LAMA3: variants seen among roughly 807,000 people sequenced by gnomAD.
LAMA3 encodes the protein laminin subunit alpha-3.
LAMA3 carries 281 observed loss-of-function variants against 402.0 expected under a neutral mutation model. The ratio of observed to expected loss-of-function variants is 0.70; its 90% CI spans 0.63 to 0.77. LAMA3 has a LOEUF of 0.77. LAMA3 is among the 30% of genes least tolerant of loss of function. The pLI is 0.00. For missense variants in LAMA3, 3,840 were observed against 4,215.5 expected (o/e 0.91, Z 2.47); for synonymous variants, 1,431 against 1,558.4 (o/e 0.92, Z 1.93).
chr18:23,730,454 G>A (rs1297127583), intron 2 of LAMA3, among the ~76,000 whole-genome samples: 1 of 143,142 alleles, frequency 7.0e-6, no homozygotes, highest in Non-Finnish European at 1.5e-5. Context: ...TGCAACCTCT[G>A]CCTCCCGGGC....
At position 23,857,982 on chromosome 18, in the gene LAMA3, C is replaced by T; in HGVS notation, c.4275C>T (p.Leu1425=). ...GVCDPGTGAC[L]CKENVEGTEC... ...GTGACCCAGGGACCGGGGCTTGCCT[C>T]TGCAAGGTAAGAGAGATCGTGCAAT... The change falls in exon 33 of 75, where the codon CTC becomes CTT. Residue 1425 remains leucine (L), a synonymous_variant. Coordinates refer to ENST00000313654, the MANE Select transcript of LAMA3 (RefSeq NM_198129.4). 6.2e-7 allele frequency: 1 copy of T among 1,614,150 alleles called. No individual in the cohort carries two copies. The highest frequency in any genetic ancestry group is 1.1e-5 in the South Asian group (1 of 91,080).
chr18:23,771,549 A>G (rs2062198886), intron 8 of LAMA3, among the ~76,000 whole-genome samples: 1 of 152,234 alleles, frequency 6.6e-6, no homozygotes. Flanking sequence ...TGCACTTATA[A>G]GTTTTTTGCA....
intron 64 of LAMA3, among the ~76,000 whole-genome samples, 158 bp from the exon 65 acceptor site, chr18:23,930,904 T>C (rs868372332): frequency 1.3e-5 from 2 of 152,180 alleles, no homozygotes; most frequent in African/African-American, 4.8e-5. Flanking sequence ...GAGTCAAATA[T>C]GCAAAAAATA....
chr18:23,810,458 T>A lies in LAMA3; in HGVS notation c.1696T>A (p.Cys566Ser). ...ECRPGVTGQR[C>S]DRCLSGAYDF... Reference sequence around the variant, plus strand: ...TCGGCCAGGAGTTACAGGACAGCGGTGTGACAGGTGTCTCTCAGGAGCTTA... The same window carrying A: ...TCGGCCAGGAGTTACAGGACAGCGGAGTGACAGGTGTCTCTCAGGAGCTTA... The change falls in exon 13 of 75, where the codon TGT (cysteine) becomes AGT (serine). Residue 566 changes from cysteine (C) to serine (S), a missense_variant. Cys to Ser is a moderately radical substitution (Grantham distance 112). Coordinates refer to ENST00000313654, the MANE Select transcript of LAMA3 (RefSeq NM_198129.4). 6.2e-7 allele frequency: 1 copy of A among 1,614,126 alleles called. No homozygotes were observed. The highest frequency in any genetic ancestry group is 8.5e-7 in the Non-Finnish European group (1 of 1,180,022).
chr18:23,900,718 T>A (rs2081043400), intron 47 of LAMA3, among the ~76,000 whole-genome samples: 1 of 152,234 alleles, frequency 6.6e-6, no homozygotes, highest in Non-Finnish European at 1.5e-5. Context: ...GTTTTCTTGC[T>A]TAAATTTTTA....
At chr18:23,760,589 G>T (rs1231170044) in intron 7 of LAMA3, among the ~76,000 whole-genome samples, 1 of 152,036 alleles carries the variant, frequency 6.6e-6, no homozygotes, top group Non-Finnish European at 1.5e-5. Flanking sequence ...TTTCATTGTG[G>T]CAAAGATGAA....
intron 8 of LAMA3, among the ~76,000 whole-genome samples, chr18:23,766,169 C>T (rs1172386966): frequency 6.6e-6 from 1 of 152,090 alleles, no homozygotes; most frequent in Non-Finnish European, 1.5e-5. Context: ...AGTCAAACTG[C>T]TGAAATCCAA....
At chr18:23,904,487 T>C (rs1188769076) in intron 50 of LAMA3, 66 bp from the exon 51 acceptor site, 3 of 1,483,774 alleles carry the variant, frequency 2.0e-6, no homozygotes, top group African/African-American at 2.8e-5. Context: ...ATGGAAAGGT[T>C]TGGGGGGATG....
At chr18:23,896,651 A>T (rs2080885080) in intron 44 of LAMA3, among the ~76,000 whole-genome samples, 1 of 152,188 alleles carries the variant, frequency 6.6e-6, no homozygotes, top group Non-Finnish European at 1.5e-5. Flanking sequence ...TGGGGGCTAA[A>T]AAGCAGCCTG....
chr18:23,749,787 G>A (rs545540578), intron 4 of LAMA3, among the ~76,000 whole-genome samples: 15 of 152,122 alleles, frequency 9.9e-5, no homozygotes, highest in Admixed American at 4.6e-4. Flanking sequence ...TCCAAAGCCC[G>A]CAGGTCTTGA....
At chr18:23,810,547 AGT>A in intron 13 of LAMA3, 44 bp downstream of exon 13, 1 of 1,611,412 alleles carries the variant, frequency 6.2e-7, no homozygotes, top group Non-Finnish European at 8.5e-7. Context: ...TCCTCTCTGA[AGT>A]GTGTGCAGCC....
chr18:23,899,109 T>A (rs774442280), intron 46 of LAMA3, 44 bp downstream of exon 46: 1 of 1,447,084 alleles, frequency 6.9e-7, no homozygotes, highest in African/African-American at 1.4e-5. Flanking sequence ...TTTGGTTACA[T>A]AACCTTCATT....
intron 25 of LAMA3, among the ~76,000 whole-genome samples, chr18:23,838,397 G>A: frequency 1.3e-5 from 2 of 152,180 alleles, no homozygotes; most frequent in South Asian, 2.1e-4. Context: ...CAGGCTCTCT[G>A]GCCCACACCA....
intron 1 of LAMA3, among the ~76,000 whole-genome samples, chr18:23,709,318 C>T (rs2060946378): frequency 6.6e-6 from 1 of 152,170 alleles, no homozygotes; most frequent in South Asian, 2.1e-4. Flanking sequence ...AGCAATCTGC[C>T]CATCTTGGCC....
At chr18:23,706,792 GT>G (rs2060897859) in intron 1 of LAMA3, among the ~76,000 whole-genome samples, 1 of 152,170 alleles carries the variant, frequency 6.6e-6, no homozygotes, top group South Asian at 2.1e-4. Context: ...AACAACAACA[GT>G]TTTGGCCAGG....
At chr18:23,817,517 G>A (rs1034580383) in intron 18 of LAMA3, among the ~76,000 whole-genome samples, 8 of 152,072 alleles carry the variant, frequency 5.3e-5, no homozygotes, top group African/African-American at 1.9e-4. Flanking sequence ...TTTAAGACCA[G>A]CCTGAGCAAC....
rs199693643 is a variant in LAMA3 at position 23,847,608 on chromosome 18, C to A, written c.4076C>A (p.Ser1359Tyr). The A allele has an allele frequency of 2.7e-5, 43 of 1,614,064 alleles. No homozygotes were observed. The highest frequency in any genetic ancestry group is 1.7e-4 in the Middle Eastern group (1 of 6,060). ...GCCGGCTGCGAAGGCTGCAACTGTT[C>A]CAGGAGGGGCACCATCGAGGCTGCC... ...PMAGCEGCNCSRRGTIEAAMP... is the reference protein window; with the variant it reads ...PMAGCEGCNCYRRGTIEAAMP... Residue 1359 changes from serine to tyrosine, a missense_variant, in exon 32 of 75, where the codon TCC becomes TAC. Transcript: ENST00000313654.
intron 39 of LAMA3, among the ~76,000 whole-genome samples, chr18:23,881,211 C>A (rs2064884295): frequency 6.6e-6 from 1 of 152,138 alleles, no homozygotes; most frequent in Non-Finnish European, 1.5e-5. Flanking sequence ...GAACAAATTT[C>A]ATTAGACAGC....
intron 37 of LAMA3, among the ~76,000 whole-genome samples, chr18:23,870,858 T>A (rs1274570145): frequency 6.6e-6 from 1 of 152,134 alleles, no homozygotes; most frequent in Non-Finnish European, 1.5e-5. Flanking sequence ...GTTCAATGGG[T>A]ATGGAGTTTC....
Sources: allele counts gnomAD v4.1 joint callset (sites outside exome capture counted in the v4.1 genomes callset), GRCh38; gene constraint gnomAD v4.1.1; transcripts MANE v1.5; gene names NCBI Gene and HGNC (gene_info 2026-07-23, HGNC 2026-07-21).